Variants in SLC35F4 observed in about 807,000 individuals in gnomAD.
SLC35F4 encodes the protein chromosome 14 open reading frame 36.
SLC35F4 carries 24 observed loss-of-function variants against 44.2 expected under a neutral mutation model. The observed-to-expected ratio is 0.54, with a 90% CI of 0.39 to 0.76. The LOEUF (loss-of-function observed/expected upper bound fraction) is 0.76, where lower values mean the gene tolerates loss of function less well. Ranked by LOEUF, SLC35F4 falls within the 30% of genes least tolerant of loss-of-function variation. SLC35F4 has a pLI of 0.00. For missense variants in SLC35F4, 562 were observed against 586.1 expected (o/e 0.96, Z 0.42); for synonymous variants, 238 against 223.6 (o/e 1.06, Z -0.57).
intron 1 of SLC35F4, among the ~76,000 whole-genome samples, chr14:57,700,704 C>A (rs1349722745): frequency 6.6e-6 from 1 of 151,836 alleles, no homozygotes; most frequent in Non-Finnish European, 1.5e-5. Flanking sequence ...GGGTTCGAGA[C>A]CAGGCCATGG....
intron 1 of SLC35F4, among the ~76,000 whole-genome samples, chr14:57,908,410 C>T (rs559807405): frequency 6.6e-6 from 1 of 152,330 alleles, no homozygotes; most frequent in South Asian, 2.1e-4. Flanking sequence ...TTCCCACCAA[C>T]AGTGTAAAAG....
Position 57,952,024 on chromosome 14 carries a change from C to A in SLC35F4, n.282+29889G>T, listed in dbSNP as rs185994102. Among the ~76,000 whole-genome samples the A allele has an allele frequency of 4.6e-5, 7 of 152,330 alleles. No homozygotes were observed. The East Asian group carries it at 1.4e-3, about 29-fold the overall frequency. On this transcript the variant is annotated intron_variant and non_coding_transcript_variant, in intron 1 of 1. Transcript: ENST00000556568. ...TCCCAGCAGGGGTCGACAGATACCT[C>A]ATACAGGAGAGCTATGACTGTTATC...
At chr14:57,631,786 A>G (rs779248102) in intron 1 of SLC35F4, among the ~76,000 whole-genome samples, 14 of 152,152 alleles carry the variant, frequency 9.2e-5, no homozygotes, top group Non-Finnish European at 1.8e-4. Flanking sequence ...TATAATTTCT[A>G]GTATTTCTCT....
chr14:57,847,226 C>T (rs909554432), intron 1 of SLC35F4, among the ~76,000 whole-genome samples: 3 of 152,138 alleles, frequency 2.0e-5, no homozygotes, highest in Non-Finnish European at 4.4e-5. Context: ...TTTGGGATCT[C>T]CTTGGAGCTT....
intron 1 of SLC35F4, among the ~76,000 whole-genome samples, chr14:57,919,902 A>G (rs1889408006): frequency 6.6e-6 from 1 of 152,068 alleles, no homozygotes; most frequent in South Asian, 2.1e-4. Flanking sequence ...ATTCTTTTAG[A>G]CGTGGTGATT....
chr14:57,645,757 G>A (rs997336908), intron 1 of SLC35F4, among the ~76,000 whole-genome samples: 6 of 151,294 alleles, frequency 4.0e-5, no homozygotes, highest in Middle Eastern at 6.8e-3. Context: ...TTGGCTGTAG[G>A]CTTGTCATAG....
chr14:57,795,228 C>T (rs1335445211), intron 1 of SLC35F4, among the ~76,000 whole-genome samples: 1 of 152,116 alleles, frequency 6.6e-6, no homozygotes, highest in Non-Finnish European at 1.5e-5. Context: ...AGAATATTTA[C>T]TAGGTTTGGA....
intron 1 of SLC35F4, among the ~76,000 whole-genome samples, chr14:57,810,492 T>C (rs1486810007): frequency 6.6e-6 from 1 of 152,204 alleles, no homozygotes; most frequent in African/African-American, 2.4e-5. Flanking sequence ...CCCCTCAAAA[T>C]TATTCCTGAC....
chr14:57,709,972 C>T (rs2075776440), intron 1 of SLC35F4, among the ~76,000 whole-genome samples: 1 of 152,202 alleles, frequency 6.6e-6, no homozygotes. Context: ...TTCAACCTGG[C>T]TGCAGAAATG....
intron 1 of SLC35F4, among the ~76,000 whole-genome samples, chr14:57,862,058 C>A (rs898448548): frequency 6.6e-6 from 1 of 152,114 alleles, no homozygotes; most frequent in African/African-American, 2.4e-5. Context: ...TTATCCTTAT[C>A]CCCTGACAAT....
chr14:57,894,257 ACAATT>A (rs1245902191), intron 1 of SLC35F4, among the ~76,000 whole-genome samples: 3 of 152,256 alleles, frequency 2.0e-5, no homozygotes, highest in African/African-American at 7.2e-5. Flanking sequence ...GAGCCTTGAG[ACAATT>A]CATGACTTTT....
At chr14:57,867,277 G>T (rs1166051024), upstream of SLC35F4, among the ~76,000 whole-genome samples, 1 of 152,132 alleles carries the variant, frequency 6.6e-6, no homozygotes, top group Non-Finnish European at 1.5e-5. Context: ...TAAGAAGGAA[G>T]AAATATGCAA....
intron 1 of SLC35F4, among the ~76,000 whole-genome samples, chr14:57,960,861 C>T (rs74055560): frequency 0.019 from 2,949 of 152,234 alleles, 91 homozygotes; most frequent in African/African-American, 0.065. Context: ...CTGGTGTGTG[C>T]TGTTTCCCCT....
chr14:57,668,032 G>T (rs202243330), intron 1 of SLC35F4, among the ~76,000 whole-genome samples: 1 of 145,334 alleles, frequency 6.9e-6, no homozygotes, highest in Admixed American at 6.8e-5. Context: ...CATTCTAACT[G>T]GTGTGAGATG....
chr14:57,825,737 A>C (rs28655806), intron 1 of SLC35F4, among the ~76,000 whole-genome samples: 5 of 151,968 alleles, frequency 3.3e-5, no homozygotes, highest in Non-Finnish European at 7.4e-5. Context: ...ACAAGCAGAG[A>C]GCCAAATCAT....
intron 1 of SLC35F4, among the ~76,000 whole-genome samples, chr14:57,746,067 A>G (rs1466883506): frequency 2.0e-5 from 3 of 151,212 alleles, no homozygotes; most frequent in Non-Finnish European, 4.4e-5. Context: ...GGAACATCAC[A>G]CACTGGGGCC....
intron 1 of SLC35F4, among the ~76,000 whole-genome samples, chr14:57,925,686 T>G (rs1294962339): frequency 6.6e-6 from 1 of 151,982 alleles, no homozygotes; most frequent in Non-Finnish European, 1.5e-5. Context: ...TTTATTCACA[T>G]TTTTAACAGG....
At chr14:57,737,878 C>G (rs980187696) in intron 1 of SLC35F4, among the ~76,000 whole-genome samples, 1 of 152,048 alleles carries the variant, frequency 6.6e-6, no homozygotes, top group Non-Finnish European at 1.5e-5. Flanking sequence ...ATCTTCAACT[C>G]CAAAGTAAAT....
intron 1 of SLC35F4, among the ~76,000 whole-genome samples, chr14:57,656,500 C>G (rs2224714): frequency 0.62 from 93,918 of 151,706 alleles, 29,260 homozygotes; most frequent in South Asian, 0.71. Context: ...TAAAAATCCT[C>G]ATGGCTTGTT....
Sources: allele counts gnomAD v4.1 joint callset (sites outside exome capture counted in the v4.1 genomes callset), GRCh38; gene constraint gnomAD v4.1.1; transcripts MANE v1.5; gene names NCBI Gene and HGNC (gene_info 2026-07-23, HGNC 2026-07-21).